DOCK2: variants seen among roughly 807,000 people sequenced by gnomAD.
The protein encoded by DOCK2 is dedicator of cytokinesis protein 2.
DOCK2 carries 87 observed loss-of-function variants against 248.9 expected under a neutral mutation model. The observed-to-expected ratio is 0.35, with a 90% CI of 0.29 to 0.42. The LOEUF (loss-of-function observed/expected upper bound fraction) is 0.42. Ranked by LOEUF, DOCK2 falls within the 10% of genes least tolerant of loss-of-function variation. The probability of loss-of-function intolerance (pLI) is 1.00; values close to 1 mark genes in which losing one functional copy is unlikely to be tolerated. For missense variants in DOCK2, 1,747 were observed against 2,300.2 expected, an observed-to-expected ratio of 0.76 and a Z score of 4.92; for synonymous variants, 805 against 821.6, an observed-to-expected ratio of 0.98 and a Z score of 0.35.
chr5:169,754,250 G>A (rs1442693269), intron 23 of DOCK2, among the ~76,000 whole-genome samples: 6 of 152,216 alleles, frequency 3.9e-5, no homozygotes, highest in African/African-American at 7.2e-5. Flanking sequence ...AACACTTGCC[G>A]TTTTCTAATT....
intron 27 of DOCK2, among the ~76,000 whole-genome samples, chr5:169,923,239 T>C (rs1416346600): frequency 6.6e-6 from 1 of 152,198 alleles, no homozygotes; most frequent in Non-Finnish European, 1.5e-5. Context: ...TGAGATGTTT[T>C]CTTGGTGTAA....
At chr5:169,998,273 C>T (rs1285302479) in intron 30 of DOCK2, among the ~76,000 whole-genome samples, 2 of 152,238 alleles carry the variant, frequency 1.3e-5, no homozygotes, top group Non-Finnish European at 2.9e-5. Flanking sequence ...CAACTCTATG[C>T]TCTGTACCTG....
At chr5:169,643,799 G>T (rs941226122) in intron 1 of DOCK2, among the ~76,000 whole-genome samples, 4 of 152,218 alleles carry the variant, frequency 2.6e-5, no homozygotes, top group African/African-American at 9.6e-5. Flanking sequence ...CGTGCACACT[G>T]TCACGGCACA....
At chr5:169,883,635 C>G in intron 27 of DOCK2, 1 of 1,551,392 alleles carries the variant, frequency 6.4e-7, no homozygotes, top group Non-Finnish European at 8.7e-7. Flanking sequence ...AGCCCCCTGC[C>G]TTCTGGGACC....
intron 27 of DOCK2, among the ~76,000 whole-genome samples, chr5:169,915,347 G>C (rs11741667): frequency 0.37 from 56,158 of 151,856 alleles, 10,651 homozygotes; most frequent in South Asian, 0.42. Flanking sequence ...GCACCAGTAA[G>C]CACTAATATT....
chr5:169,789,398 A>G (rs1766187671), intron 25 of DOCK2, among the ~76,000 whole-genome samples: 1 of 152,256 alleles, frequency 6.6e-6, no homozygotes, highest in Non-Finnish European at 1.5e-5. Flanking sequence ...ATCAAATGGT[A>G]GTTCTGTGAA....
intron 27 of DOCK2, among the ~76,000 whole-genome samples, chr5:169,982,452 C>G (rs1023384122): frequency 2.0e-5 from 3 of 152,186 alleles, no homozygotes; most frequent in Admixed American, 2.0e-4. Flanking sequence ...TTGAATCTTT[C>G]TGGTACTTAG....
chr5:169,781,882 C>G (rs527250007), intron 25 of DOCK2, among the ~76,000 whole-genome samples: 40 of 152,278 alleles, frequency 2.6e-4, no homozygotes, highest in African/African-American at 9.4e-4. Flanking sequence ...CAAAAATTTG[C>G]TTTTCATCAG....
intron 27 of DOCK2, among the ~76,000 whole-genome samples, chr5:169,864,669 C>T (rs765139161): frequency 6.6e-6 from 1 of 152,296 alleles, no homozygotes; most frequent in Admixed American, 6.5e-5. Context: ...CCTGTAATGC[C>T]TTCCTCACAG....
chr5:169,807,833 CAAAAAAAA>C (rs61670398), intron 26 of DOCK2, among the ~76,000 whole-genome samples: 8 of 24,232 alleles, frequency 3.3e-4, no homozygotes, highest in South Asian at 2.0e-3. Context: ...GACTCTGTCT[CAAAAAAAA>C]AAAAAAAAAA....
At chr5:170,035,566 G>C (rs1756296471) in intron 35 of DOCK2, among the ~76,000 whole-genome samples, 1 of 152,176 alleles carries the variant, frequency 6.6e-6, no homozygotes, top group Non-Finnish European at 1.5e-5. Flanking sequence ...TTCTCTCTAA[G>C]GAGAGACAGA....
intron 22 of DOCK2, among the ~76,000 whole-genome samples, chr5:169,726,000 A>G (rs1459351093): frequency 1.3e-5 from 2 of 152,212 alleles, no homozygotes; most frequent in Non-Finnish European, 2.9e-5. Flanking sequence ...AGCATGATTT[A>G]TAATCCTTTG....
intron 27 of DOCK2, among the ~76,000 whole-genome samples, chr5:169,978,111 G>T (rs762161519): frequency 1.3e-5 from 2 of 151,892 alleles, no homozygotes; most frequent in South Asian, 2.1e-4. Context: ...TTGGTCGTGC[G>T]CATTATTTGA....
chr5:169,862,884 C>A (rs1000015028), intron 27 of DOCK2, among the ~76,000 whole-genome samples: 3 of 152,196 alleles, frequency 2.0e-5, no homozygotes, highest in Non-Finnish European at 4.4e-5. Flanking sequence ...AGCTTAGACA[C>A]TGGATCTTCA....
intron 46 of DOCK2, among the ~76,000 whole-genome samples, chr5:170,069,860 CCTTTCTCT>C (rs1040172578): frequency 6.6e-6 from 1 of 152,064 alleles, no homozygotes; most frequent in Non-Finnish European, 1.5e-5. Flanking sequence ...TGTCTTTCCT[CCTTTCTCT>C]CTTTCTCTCT....
intron 50 of DOCK2, chr5:170,080,953 G>C (rs1343670828): frequency 6.6e-6 from 1 of 152,590 alleles, no homozygotes; most frequent in Admixed American, 6.5e-5. Flanking sequence ...CTGCCCTGTG[G>C]AACTCAGCAG....
At chr5:169,689,456 C>A in intron 9 of DOCK2, 123 bp downstream of exon 9, 1 of 979,874 alleles carries the variant, frequency 1.0e-6, no homozygotes, top group Non-Finnish European at 1.5e-6. Context: ...TTGTGGGCTC[C>A]AAGCAGAAAT....
chr5:169,672,767 C>T (rs548619035), intron 5 of DOCK2, among the ~76,000 whole-genome samples: 32 of 152,238 alleles, frequency 2.1e-4, no homozygotes, highest in Admixed American at 9.8e-4. Context: ...GGGATTCTCA[C>T]TACCCCTCCC....
At chr5:169,657,195 G>T (rs1261900928) in intron 2 of DOCK2, among the ~76,000 whole-genome samples, 1 of 152,140 alleles carries the variant, frequency 6.6e-6, no homozygotes, top group Non-Finnish European at 1.5e-5. Context: ...TCTTCTTGGG[G>T]TGCCTTGAGT....
Sources: gnomAD v4.1 joint callset for allele counts (sites outside exome capture counted in the v4.1 genomes callset) on GRCh38, gnomAD v4.1.1 for gene constraint, MANE v1.5 for transcripts, NCBI Gene and HGNC (gene_info 2026-07-23, HGNC 2026-07-21) for gene names.